The following KIRREL3 variants were observed in gnomAD, a reference collection of about 807,000 sequenced individuals.
KIRREL3 encodes kin of IRRE-like protein 3.
A neutral mutation model predicts 89.7 loss-of-function variants in KIRREL3; 36 were observed. The observed-to-expected ratio is 0.40, with a 90% CI of 0.31 to 0.53. The LOEUF (loss-of-function observed/expected upper bound fraction) is 0.53, where lower values mean the gene tolerates loss of function less well. Among genes scored for constraint, KIRREL3 ranks in the 20% least tolerant of loss-of-function variants. KIRREL3 has a pLI of 0.49. For synonymous variants in KIRREL3, 445 were observed against 441.4 expected (o/e 1.01, Z -0.10); for missense variants, 864 against 1,056.6 (o/e 0.82, Z 2.53).
In KIRREL3 at chr11:126,683,741, G is replaced by A. The variant is rs1278778982; in HGVS notation, c.56-120829C>T. 6.6e-6 allele frequency among the ~76,000 whole-genome samples: 1 copy of A among 152,224 alleles called. No homozygotes were observed. Among genetic ancestry groups the A allele is most frequent in the Non-Finnish European group, 1.5e-5 (1 of 68,036 alleles). On this transcript the variant is annotated intron_variant, in intron 1 of 16. Transcript: ENST00000525144. This position sits in a 1 kb window ranked among gnomAD's most constrained non-coding sequence, Gnocchi z 5.2. ...ATATCACCCCTTTTGTCTATGAGGA[G>A]TGAATGTCTCCAATTAGGCTGCATT...
chr11:126,944,483 C>T (rs1948557972), intron 1 of KIRREL3: 1 of 152,340 alleles, frequency 6.6e-6, no homozygotes, highest in Admixed American at 6.5e-5. Context: ...AGGATGAAAC[C>T]AAATGCTCTT....
chr11:126,998,891 C>T (rs1591448882), intron 1 of KIRREL3, among the ~76,000 whole-genome samples: 1 of 150,952 alleles, frequency 6.6e-6, no homozygotes, highest in East Asian at 2.0e-4. Context: ...CCTGAGTGAA[C>T]TGGTAAGAAG....
chr11:126,642,717 G>T lies in KIRREL3; in HGVS notation c.56-79805C>A, dbSNP rs1042497475. ...AGGAGGAATGACACAAAAGGGGTAGGCTAGAACCAGAGTCACATAAGAACA... is the reference window on the plus strand; with the variant it reads ...AGGAGGAATGACACAAAAGGGGTAGTCTAGAACCAGAGTCACATAAGAACA... On this transcript the variant is annotated intron_variant, in intron 1 of 16. Transcript: ENST00000525144. This position sits in a 1 kb window ranked among gnomAD's most constrained non-coding sequence, Gnocchi z 4.9. Among the ~76,000 whole-genome samples, 3 of 152,214 alleles carry T rather than the reference G, an allele frequency of 2.0e-5. No individual in the cohort carries two copies. Among genetic ancestry groups the T allele is most frequent in the Non-Finnish European group, 4.4e-5 (3 of 68,030 alleles).
At chr11:126,466,452 G>A (rs1404105707) in intron 5 of KIRREL3, among the ~76,000 whole-genome samples, 1 of 152,234 alleles carries the variant, frequency 6.6e-6, no homozygotes, top group East Asian at 1.9e-4. Context: ...ACTGAGGGGA[G>A]GAAGGTGGGA....
intron 1 of KIRREL3, among the ~76,000 whole-genome samples, chr11:126,854,126 TTGTGTGTGTGTG>T (rs375873911): frequency 4.2e-5 from 6 of 143,922 alleles, no homozygotes; most frequent in African/African-American, 7.8e-5. Context: ...AATAAGTTTC[TTGTGTGTGTGTG>T]TGTGTGTGTG....
At chr11:126,567,789 G>T (rs1940624928) in intron 1 of KIRREL3, among the ~76,000 whole-genome samples, 1 of 150,368 alleles carries the variant, frequency 6.7e-6, no homozygotes, top group Non-Finnish European at 1.5e-5. Flanking sequence ...GACCGTATTG[G>T]CCAGGACAGC....
Position 126,872,466 on chromosome 11 carries a change from A to T in KIRREL3, c.55+127989T>A, listed in dbSNP as rs1244220741. Among the ~76,000 whole-genome samples the T allele has an allele frequency of 1.3e-5, 2 of 152,202 alleles. No individual in the cohort carries two copies. ...CTGCTGTATGCTGCCACTTCAATAA[A>T]GTTGCAAACTGATTTCTTTCACCAT... On this transcript the variant is annotated intron_variant, in intron 1 of 16. Coordinates refer to ENST00000525144, the MANE Select transcript of KIRREL3 (RefSeq NM_032531.4). The surrounding 1 kb of genome is among the most constrained non-coding windows in gnomAD (Gnocchi z 4.2).
At chr11:126,505,668 G>A (rs1957995820) in intron 4 of KIRREL3, among the ~76,000 whole-genome samples, 1 of 152,048 alleles carries the variant, frequency 6.6e-6, no homozygotes, top group African/African-American at 2.4e-5. Context: ...TCTTAGCAAT[G>A]AACAATCCAA....
intron 5 of KIRREL3, among the ~76,000 whole-genome samples, chr11:126,470,756 G>A (rs1956863575): frequency 6.6e-6 from 1 of 152,166 alleles, no homozygotes; most frequent in African/African-American, 2.4e-5. Context: ...GAGGAGCATG[G>A]GCAAGGGCAG....
chr11:126,762,196 C>T (rs12281238), intron 1 of KIRREL3, among the ~76,000 whole-genome samples: 7 of 125,126 alleles, frequency 5.6e-5, no homozygotes, highest in South Asian at 2.3e-4. Flanking sequence ...AATAAATAAA[C>T]AAACAAACAA....
At position 126,571,154 on chromosome 11, in the gene KIRREL3, G is replaced by A. The variant is rs1015236068; in HGVS notation, c.56-8242C>T. ...TGAGATTCGACTCCCAACCAATTCGGAGTCTCAGCCCTTTGGGCTGGCTTT... is the reference window on the plus strand; with the variant it reads ...TGAGATTCGACTCCCAACCAATTCGAAGTCTCAGCCCTTTGGGCTGGCTTT... On this transcript the variant is annotated intron_variant, in intron 1 of 16. Coordinates refer to ENST00000525144, the MANE Select transcript of KIRREL3 (RefSeq NM_032531.4). The surrounding 1 kb of genome is among the most constrained non-coding windows in gnomAD (Gnocchi z 7.7). Among the ~76,000 whole-genome samples, 21 of 152,270 alleles carry A rather than the reference G, an allele frequency of 1.4e-4. 1 individual carries two copies. The highest frequency in any genetic ancestry group is 5.1e-4 in the African/African-American group (21 of 41,534).
rs10609593 is a variant in KIRREL3, at chr11:126,490,200, T to TTG, written c.434-16736_434-16735dup. Among the ~76,000 whole-genome samples, 3,222 of 141,038 alleles carry TTG rather than the reference T, an allele frequency of 0.023. 39 individuals carry two copies. Among genetic ancestry groups the TTG allele is most frequent in the Middle Eastern group, 0.091 (26 of 286 alleles). 92.5% of individuals were successfully genotyped at this position (141,038 alleles called of 152,430 possible). The stretch of plus-strand genomic sequence containing the variant: ...TATTTGCATTTGGCTTTGGAATGCA[T>TTG]TGTGTGTGTGTGTGTGTGTGTGTGT... On this transcript the variant is annotated intron_variant, in intron 4 of 16. Coordinates refer to ENST00000525144, the MANE Select transcript of KIRREL3 (RefSeq NM_032531.4). The surrounding 1 kb of genome is among the most constrained non-coding windows in gnomAD (Gnocchi z 4.2).
At position 126,954,945 on chromosome 11, in the gene KIRREL3, C is replaced by T. The variant is rs1016474793; in HGVS notation, c.55+45510G>A. ...CAACTCTGTCTCTTGCATTCCCTCT[C>T]CTTGTCACATCTGACCAGTGGTTCA... On this transcript the variant is annotated intron_variant, in intron 1 of 16. Transcript: ENST00000525144. This position sits in a 1 kb window ranked among gnomAD's most constrained non-coding sequence, Gnocchi z 4.1. 1.8e-4 allele frequency among the ~76,000 whole-genome samples: 28 copies of T among 152,324 alleles called. No homozygotes were observed. Among genetic ancestry groups the T allele is most frequent in the Admixed American group, 1.6e-3 (25 of 15,302 alleles).
At chr11:126,572,820 G>T (rs1000333926) in intron 1 of KIRREL3, among the ~76,000 whole-genome samples, 2 of 152,130 alleles carry the variant, frequency 1.3e-5, no homozygotes, top group African/African-American at 4.8e-5. Flanking sequence ...CCTATTTATG[G>T]CCCACATAAA....
intron 1 of KIRREL3, among the ~76,000 whole-genome samples, chr11:126,979,989 T>G (rs1411695227): frequency 2.0e-5 from 3 of 152,062 alleles, no homozygotes; most frequent in African/African-American, 7.2e-5. Context: ...GTTGGGAAAA[T>G]ATCAAGTCAA....
At chr11:126,451,383 C>A (rs944797427) in intron 7 of KIRREL3, among the ~76,000 whole-genome samples, 48 of 71,776 alleles carry the variant, frequency 6.7e-4, no homozygotes, top group South Asian at 1.6e-3. Flanking sequence ...TGAGCGTGTG[C>A]ATGTGTGAAC....
intron 1 of KIRREL3, among the ~76,000 whole-genome samples, chr11:126,586,294 C>A (rs1371814491): frequency 6.6e-6 from 1 of 152,154 alleles, no homozygotes; most frequent in African/African-American, 2.4e-5. Context: ...CATTGTTTAG[C>A]GCTGCCGTTT....
rs565069441 is a variant in KIRREL3 at position 126,706,614 on chromosome 11, C to T, written c.56-143702G>A. ...CAGTGGTATGAATGTGCCTGATTCCCCACTTCCTTGTACACAGGACATGGA... is the reference window on the plus strand; with the variant it reads ...CAGTGGTATGAATGTGCCTGATTCCTCACTTCCTTGTACACAGGACATGGA... On this transcript the variant is annotated intron_variant, in intron 1 of 16. Coordinates refer to ENST00000525144, the MANE Select transcript of KIRREL3 (RefSeq NM_032531.4). Among the ~76,000 whole-genome samples the T allele has an allele frequency of 7.2e-5, 11 of 152,298 alleles. No homozygotes were observed. In the South Asian group the frequency reaches 1.9e-3, roughly 26 times the overall value.
chr11:126,584,141 C>G (rs1362075644), intron 1 of KIRREL3, among the ~76,000 whole-genome samples: 1 of 152,126 alleles, frequency 6.6e-6, no homozygotes, highest in Admixed American at 6.5e-5. Context: ...AAAATTTGAG[C>G]AGTGGCAGCA....
Sources: allele counts gnomAD v4.1 joint callset (sites outside exome capture counted in the v4.1 genomes callset), GRCh38; gene constraint gnomAD v4.1.1; non-coding constraint Gnocchi (gnomAD v3.1); transcripts MANE v1.5; gene names NCBI Gene and HGNC (gene_info 2026-07-23, HGNC 2026-07-21).